SBF2: variants seen among roughly 807,000 people sequenced by gnomAD.
The protein encoded by SBF2 is myotubularin-related protein 13.
A neutral mutation model predicts 225.2 loss-of-function variants in SBF2; 112 were observed. The ratio of observed to expected loss-of-function variants is 0.50; its 90% CI spans 0.43 to 0.58. SBF2 has a LOEUF of 0.58. Among genes scored for constraint, SBF2 ranks in the 20% least tolerant of loss-of-function variants. The pLI is 0.00. For synonymous variants in SBF2, 763 were observed against 773.3 expected (o/e 0.99, Z 0.22); for missense variants, 1,996 against 2,206.2 (o/e 0.90, Z 1.91).
In SBF2 at chr11:9,807,619, T is replaced by C. The variant is rs149293675; in HGVS notation, c.4443+381A>G. 7.9e-4 allele frequency among the ~76,000 whole-genome samples: 120 copies of C among 152,360 alleles called. 1 individual carries two copies. The East Asian group carries it at 0.019, about 25-fold the overall frequency. On this transcript the variant is annotated intron_variant, in intron 32 of 39. Transcript: ENST00000256190. ...TCCAGGGGTTAGGCTTTACCTCTTA[T>C]GTTCCCAGGCACAAGCTGGGGTCCT...
At chr11:9,794,251 A>C (rs370117347) in intron 33 of SBF2, among the ~76,000 whole-genome samples, 3 of 151,768 alleles carry the variant, frequency 2.0e-5, no homozygotes, top group African/African-American at 4.8e-5. Flanking sequence ...AACCAAAAAA[A>C]CCCCAAAAAA....
intron 16 of SBF2, among the ~76,000 whole-genome samples, chr11:9,954,097 C>G (rs1159635786): frequency 6.6e-6 from 1 of 152,084 alleles, no homozygotes; most frequent in East Asian, 1.9e-4. Context: ...TAGGAATAGT[C>G]TATAACCTCT....
chr11:9,978,586 G>A (rs1946803242), intron 13 of SBF2, among the ~76,000 whole-genome samples: 1 of 152,084 alleles, frequency 6.6e-6, no homozygotes, highest in African/African-American at 2.4e-5. Flanking sequence ...CACTTTTAAA[G>A]TGTCAATTTT....
chr11:9,796,549 A>ATG (rs1442674039), intron 32 of SBF2, among the ~76,000 whole-genome samples: 1 of 152,190 alleles, frequency 6.6e-6, no homozygotes, highest in African/African-American at 2.4e-5. Flanking sequence ...GTCAAAAGAA[A>ATG]TGTGTGTGTG....
intron 3 of SBF2, among the ~76,000 whole-genome samples, chr11:10,039,298 C>T (rs1949563260): frequency 1.3e-5 from 2 of 151,676 alleles, no homozygotes; most frequent in South Asian, 2.1e-4. Flanking sequence ...ACAGTTCATG[C>T]CAAAAATGAA....
chr11:9,910,352 T>C (rs2134183587), intron 16 of SBF2, among the ~76,000 whole-genome samples: 1 of 152,352 alleles, frequency 6.6e-6, no homozygotes, highest in Admixed American at 6.5e-5. Context: ...CATAAAAATA[T>C]AGCACATACA....
At chr11:9,817,078 A>C in intron 28 of SBF2, 54 bp from the exon 29 acceptor site, 1 of 1,591,140 alleles carries the variant, frequency 6.3e-7, no homozygotes, top group African/African-American at 1.3e-5. Flanking sequence ...GAATGCCACT[A>C]ACTAAGGAAA....
chr11:9,790,142 T>C (rs1233705733), intron 34 of SBF2, among the ~76,000 whole-genome samples: 1 of 152,256 alleles, frequency 6.6e-6, no homozygotes, highest in Non-Finnish European at 1.5e-5. Flanking sequence ...CTTCTTGGGC[T>C]TGGCTCCGAA....
chr11:10,224,557 T>C (rs1380318471), intron 1 of SBF2, among the ~76,000 whole-genome samples: 1 of 152,166 alleles, frequency 6.6e-6, no homozygotes, highest in Non-Finnish European at 1.5e-5. Context: ...ACCCACTATA[T>C]TCCAGCCACA....
chr11:9,999,207 A>G (rs1475524049), intron 8 of SBF2, among the ~76,000 whole-genome samples: 1 of 152,080 alleles, frequency 6.6e-6, no homozygotes, highest in Non-Finnish European at 1.5e-5. Flanking sequence ...ATTTGGCAAC[A>G]CTTGGTTTGT....
In SBF2 at chr11:10,235,906, C is replaced by A. The variant is rs533994986; in HGVS notation, c.56-41919G>T. ...AACATAGTGAGACCCCCCATCTCCACAAATAATAGAAACAATTAGCCAGGT... is the reference window on the plus strand; with the variant it reads ...AACATAGTGAGACCCCCCATCTCCAAAAATAATAGAAACAATTAGCCAGGT... On this transcript the variant is annotated intron_variant, in intron 1 of 39. Transcript: ENST00000256190. Among the ~76,000 whole-genome samples, 15 of 152,142 alleles carry A rather than the reference C, an allele frequency of 9.9e-5. No individual in the cohort carries two copies. The South Asian group carries it at 2.9e-3, about 29-fold the overall frequency.
Position 10,019,658 on chromosome 11 carries a change from GAA to G in SBF2, c.619+8792_619+8793del, listed in dbSNP as rs554132773. Among the ~76,000 whole-genome samples, 395 of 142,054 alleles carry G rather than the reference GAA, an allele frequency of 2.8e-3. 1 individual carries two copies. The highest frequency in any genetic ancestry group is 4.6e-3 in the Non-Finnish European group (301 of 64,956). 93.2% of individuals were successfully genotyped at this position (142,054 alleles called of 152,430 possible). On this transcript the variant is annotated intron_variant, in intron 6 of 39. Transcript: ENST00000256190. ...CAAGCTTCCTTCAAGGTCAAACATT[GAA>G]AAAAAAAAGACGACTTCATTTTTTC...
At chr11:10,039,534 G>A (rs1255330467) in intron 3 of SBF2, among the ~76,000 whole-genome samples, 6 of 151,892 alleles carry the variant, frequency 4.0e-5, no homozygotes, top group African/African-American at 7.2e-5. Flanking sequence ...CTGATATGAA[G>A]CAGACTGTAA....
At chr11:10,173,436 T>C (rs1429522926) in intron 2 of SBF2, among the ~76,000 whole-genome samples, 2 of 152,352 alleles carry the variant, frequency 1.3e-5, no homozygotes, top group East Asian at 1.9e-4. Context: ...CCCACCCGAA[T>C]ACTGCGCTTT....
At chr11:10,186,647 T>C (rs1312045074) in intron 2 of SBF2, among the ~76,000 whole-genome samples, 2 of 152,168 alleles carry the variant, frequency 1.3e-5, no homozygotes, top group African/African-American at 4.8e-5. Context: ...GTTAAATCAT[T>C]GCCATTGGTG....
At chr11:9,798,171 G>GCCT (rs2133876704) in intron 32 of SBF2, among the ~76,000 whole-genome samples, 1 of 152,248 alleles carries the variant, frequency 6.6e-6, no homozygotes, top group South Asian at 2.1e-4. Context: ...TCAAACGCTT[G>GCCT]CCTCTACTGA....
chr11:9,934,004 C>A (rs1284471117), intron 16 of SBF2, among the ~76,000 whole-genome samples: 2 of 152,174 alleles, frequency 1.3e-5, no homozygotes, highest in East Asian at 3.9e-4. Context: ...ATGGCATGAA[C>A]CTGGGAGGCG....
chr11:9,919,922 G>A (rs1302915823), intron 16 of SBF2, among the ~76,000 whole-genome samples: 1 of 151,730 alleles, frequency 6.6e-6, no homozygotes, highest in Non-Finnish European at 1.5e-5. Context: ...GTAGAGACAG[G>A]GGTTTCTCCA....
chr11:9,938,411 C>A (rs1208216266), intron 16 of SBF2, among the ~76,000 whole-genome samples: 5 of 146,182 alleles, frequency 3.4e-5, no homozygotes, highest in Non-Finnish European at 6.0e-5. Context: ...GGGAACTGAA[C>A]AGTATTGTCT....
Sources: gnomAD v4.1 joint callset for allele counts (sites outside exome capture counted in the v4.1 genomes callset) on GRCh38, gnomAD v4.1.1 for gene constraint, MANE v1.5 for transcripts, NCBI Gene and HGNC (gene_info 2026-07-23, HGNC 2026-07-21) for gene names.